EYA4: variants seen among roughly 807,000 people sequenced by gnomAD.
The protein encoded by EYA4 is protein phosphatase EYA4.
A neutral mutation model predicts 87.9 loss-of-function variants in EYA4; 31 were observed. The observed-to-expected ratio is 0.35, with a 90% CI of 0.27 to 0.48. The LOEUF is 0.48. EYA4 is among the 20% of genes least tolerant of loss of function. The pLI is 0.99. For synonymous variants in EYA4, 263 were observed against 270.6 expected (o/e 0.97, Z 0.28); for missense variants, 678 against 761.4 (o/e 0.89, Z 1.29).
chr6:133,513,226 G>A (rs547761009), intron 16 of EYA4, among the ~76,000 whole-genome samples, 188 bp downstream of exon 16: 32 of 152,266 alleles, frequency 2.1e-4, no homozygotes, highest in Non-Finnish European at 3.2e-4. Flanking sequence ...ATGCACCACC[G>A]TCACATAAAT....
rs187746879 is a variant in EYA4, at chr6:133,529,630, T to A, written c.*825T>A. 1.0e-6 allele frequency: 1 copy of A among 985,600 alleles called. No individual in the cohort carries two copies. Among genetic ancestry groups the A allele is most frequent in the Admixed American group, 6.1e-5 (1 of 16,284 alleles). 61.1% of individuals were successfully genotyped at this position (985,600 alleles called of 1,614,324 possible). ...CATCAGCAAGAAACTGAGTATTTTT[T>A]GCAATAAGAAAACAACAATAATAAA... On this transcript the variant is annotated 3_prime_UTR_variant, in exon 20 of 20. Transcript: ENST00000355286.
chr6:133,297,974 G>C (rs1318426787), intron 2 of EYA4, among the ~76,000 whole-genome samples: 1 of 151,984 alleles, frequency 6.6e-6, no homozygotes, highest in African/African-American at 2.4e-5. Flanking sequence ...TTACACCGAG[G>C]CTACAATATG....
At chr6:133,281,502 A>G (rs1777622978) in intron 2 of EYA4, among the ~76,000 whole-genome samples, 1 of 152,214 alleles carries the variant, frequency 6.6e-6, no homozygotes, top group Admixed American at 6.5e-5. Flanking sequence ...GGCCTTCACA[A>G]ATACTTACTC....
intron 14 of EYA4, among the ~76,000 whole-genome samples, chr6:133,509,007 G>A (rs1002101675): frequency 2.6e-5 from 4 of 152,162 alleles, no homozygotes; most frequent in Non-Finnish European, 5.9e-5. Flanking sequence ...AGTTTCTGCA[G>A]ATAAATTGAA....
intron 1 of EYA4, among the ~76,000 whole-genome samples, chr6:133,251,137 A>G (rs1359614135): frequency 2.0e-5 from 3 of 152,248 alleles, no homozygotes; most frequent in African/African-American, 4.8e-5. Flanking sequence ...TTCCGCATAC[A>G]GTAATCTAGA....
At chr6:133,341,059 A>G (rs867718743) in intron 2 of EYA4, among the ~76,000 whole-genome samples, 7 of 152,318 alleles carry the variant, frequency 4.6e-5, no homozygotes, top group African/African-American at 1.7e-4. Context: ...CTATGTTTAT[A>G]CTTGCTATGG....
intron 2 of EYA4, among the ~76,000 whole-genome samples, chr6:133,288,748 T>TA (rs1778263521): frequency 6.6e-6 from 1 of 152,096 alleles, no homozygotes; most frequent in Non-Finnish European, 1.5e-5. Context: ...GAAGATGAAC[T>TA]GTAAGAAACT....
chr6:133,446,681 T>G lies in EYA4; in HGVS notation c.135T>G (p.Gly45=). The change falls in exon 4 of 20, where the codon GGT becomes GGG. Residue 45 remains glycine, a synonymous_variant. Transcript: ENST00000355286. ...LASPHTLVGG[G]DTPGSSKLEK... is the part of the protein sequence containing the mutation. ...GTCCTCATACTCTTGTTGGAGGTGG[T>G]GATACTCCAGGTAGCTCCAAACTGG... 6.2e-7 allele frequency: 1 copy of G among 1,613,566 alleles called. No individual in the cohort carries two copies. Among genetic ancestry groups the G allele is most frequent in the Non-Finnish European group, 8.5e-7 (1 of 1,179,508 alleles).
chr6:133,358,854 A>G (rs1247506287), intron 2 of EYA4, among the ~76,000 whole-genome samples: 1 of 152,218 alleles, frequency 6.6e-6, no homozygotes, highest in Non-Finnish European at 1.5e-5. Context: ...ACAAGAGGGC[A>G]CTATGAGAAG....
chr6:133,455,172 T>G (rs1045081267), intron 5 of EYA4, among the ~76,000 whole-genome samples: 2 of 152,184 alleles, frequency 1.3e-5, no homozygotes, highest in Non-Finnish European at 2.9e-5. Context: ...AATGATAGGT[T>G]TAGTTATTGA....
At chr6:133,386,666 T>C (rs759215332) in intron 3 of EYA4, among the ~76,000 whole-genome samples, 2 of 152,108 alleles carry the variant, frequency 1.3e-5, no homozygotes, top group East Asian at 1.9e-4. Context: ...AGAGAGTGAA[T>C]AGAAATAGAA....
intron 11 of EYA4, among the ~76,000 whole-genome samples, chr6:133,473,386 G>C (rs1170861942): frequency 2.0e-5 from 3 of 152,016 alleles, no homozygotes; most frequent in Non-Finnish European, 4.4e-5. Context: ...CAAATATCAA[G>C]CAAGTAATTA....
At chr6:133,339,994 G>C (rs1782664365) in intron 2 of EYA4, among the ~76,000 whole-genome samples, 1 of 152,190 alleles carries the variant, frequency 6.6e-6, no homozygotes, top group Non-Finnish European at 1.5e-5. Flanking sequence ...TTGGAAGAGT[G>C]CTCCTGGGCT....
At position 133,529,743 on chromosome 6, in the gene EYA4, TG is replaced by T. The variant is rs1415923072; in HGVS notation, c.*941del. The T allele has an allele frequency of 1.0e-6, 1 of 985,188 alleles. No individual in the cohort carries two copies. Among genetic ancestry groups the T allele is most frequent in the Non-Finnish European group, 1.2e-6 (1 of 829,852 alleles). The allele number at this position is 985,188 out of a possible 1,614,324, so 61.0% of individuals were successfully genotyped here. On this transcript the variant is annotated 3_prime_UTR_variant, in exon 20 of 20. Transcript: ENST00000355286. The stretch of plus-strand genomic sequence containing the variant: ...CGCATCCAACCATGAGTGGAAGGTT[TG>T]GGAAAGACTGTGGGACCTTTACTTA...
intron 2 of EYA4, among the ~76,000 whole-genome samples, chr6:133,295,761 C>G (rs193113196): frequency 2.6e-5 from 4 of 152,272 alleles, no homozygotes; most frequent in East Asian, 1.9e-4. Context: ...TTTGTTTACT[C>G]TGCTATATCA....
At chr6:133,243,643 A>G (rs1419092324) in intron 1 of EYA4, among the ~76,000 whole-genome samples, 1 of 144,764 alleles carries the variant, frequency 6.9e-6, no homozygotes, top group Non-Finnish European at 1.5e-5. Flanking sequence ...GGTTTTAAGC[A>G]GAATCAGTGC....
intron 2 of EYA4, among the ~76,000 whole-genome samples, chr6:133,343,789 A>G (rs1782996753): frequency 1.3e-5 from 2 of 152,010 alleles, no homozygotes; most frequent in Admixed American, 6.6e-5. Flanking sequence ...AAGGAGGACT[A>G]TGTTTTTCAT....
intron 2 of EYA4, among the ~76,000 whole-genome samples, chr6:133,319,344 CAGGAAACT>C (rs1283141602): frequency 6.6e-6 from 1 of 152,168 alleles, no homozygotes; most frequent in Non-Finnish European, 1.5e-5. Context: ...CTGTAATTGC[CAGGAAACT>C]AGATGAGTAA....
intron 1 of EYA4, among the ~76,000 whole-genome samples, chr6:133,244,627 TA>T (rs5880167): frequency 0.24 from 35,518 of 145,390 alleles, 4,819 homozygotes; most frequent in East Asian, 0.44. Context: ...CTCTTTGGGT[TA>T]AAAAAAAAAA....
Sources: gnomAD v4.1 joint callset for allele counts (sites outside exome capture counted in the v4.1 genomes callset) on GRCh38, gnomAD v4.1.1 for gene constraint, MANE v1.5 for transcripts, NCBI Gene and HGNC (gene_info 2026-07-23, HGNC 2026-07-21) for gene names.